The following NHSL2 variants were observed in gnomAD, a reference collection of about 807,000 sequenced individuals.
The protein encoded by NHSL2 is NHS like 2.
A neutral mutation model predicts 53.4 loss-of-function variants in NHSL2; 27 were observed. The observed-to-expected ratio is 0.51, with a 90% CI of 0.37 to 0.70. NHSL2 has a LOEUF of 0.70. Among genes scored for constraint, NHSL2 ranks in the 30% least tolerant of loss-of-function variants. The pLI, the probability that NHSL2 is intolerant of heterozygous loss-of-function variation, is 0.00. For synonymous variants in NHSL2, 408 were observed against 404.1 expected, an observed-to-expected ratio of 1.01 and a Z score of -0.12; for missense variants, 892 against 980.1, an observed-to-expected ratio of 0.91 and a Z score of 1.20.
chrX:71,937,369 G>A (rs774431641), intron 1 of NHSL2, among the ~76,000 whole-genome samples: 1 of 111,663 alleles, frequency 9.0e-6, no homozygotes, highest in South Asian at 3.8e-4. Flanking sequence ...AAGGGCCTAG[G>A]TTTGGACCTG....
chrX:72,040,520 C>T (rs1222352506), intron 1 of NHSL2, among the ~76,000 whole-genome samples: 4 of 112,044 alleles, frequency 3.6e-5, no homozygotes, highest in African/African-American at 1.3e-4. Flanking sequence ...CTAGGATGTG[C>T]TGGAGGCCAC....
At chrX:71,937,771 C>T (rs1035320751) in intron 1 of NHSL2, among the ~76,000 whole-genome samples, 3 of 111,853 alleles carry the variant, frequency 2.7e-5, no homozygotes, top group African/African-American at 9.8e-5. Flanking sequence ...TAAAAGACAT[C>T]CCCAGAATCC....
intron 1 of NHSL2, among the ~76,000 whole-genome samples, chrX:72,010,032 C>T (rs1032008306): frequency 1.1e-4 from 12 of 112,727 alleles, no homozygotes; most frequent in South Asian, 3.6e-4. Flanking sequence ...TTGCTGCCTC[C>T]GGTATTGAAA....
intron 1 of NHSL2, among the ~76,000 whole-genome samples, chrX:72,107,831 G>A (rs1055918582): frequency 8.9e-6 from 1 of 111,914 alleles, no homozygotes. Context: ...AGGAAGTGGC[G>A]CATGTGAAGC....
chrX:72,111,263 G>C (rs1369841731), intron 1 of NHSL2, among the ~76,000 whole-genome samples: 1 of 112,514 alleles, frequency 8.9e-6, no homozygotes, highest in African/African-American at 3.2e-5. Context: ...TGCAGGCTGA[G>C]GCCATAAAGG....
At chrX:72,058,164 C>A (rs2042379816) in intron 1 of NHSL2, among the ~76,000 whole-genome samples, 1 of 112,027 alleles carries the variant, frequency 8.9e-6, no homozygotes, top group Non-Finnish European at 1.9e-5. Context: ...GTTAGTCAGA[C>A]TTGAGTATTT....
At chrX:72,048,038 C>T (rs2042314615) in intron 1 of NHSL2, among the ~76,000 whole-genome samples, 1 of 102,728 alleles carries the variant, frequency 9.7e-6, no homozygotes, top group Non-Finnish European at 2.0e-5. Flanking sequence ...TAAGAGTTCA[C>T]TGCCCTTAAC....
At chrX:71,973,739 G>A (rs184889925) in intron 1 of NHSL2, among the ~76,000 whole-genome samples, 88 of 111,838 alleles carry the variant, frequency 7.9e-4, no homozygotes, top group East Asian at 1.7e-3. Context: ...TTCTTGGCCC[G>A]TTGTGCCTGG....
chrX:71,951,005 T>TACACACACACAC (rs10527333), intron 1 of NHSL2, among the ~76,000 whole-genome samples: 3,355 of 89,689 alleles, frequency 0.037, 156 homozygotes, highest in African/African-American at 0.097. Flanking sequence ...AAATACAAAA[T>TACACACACACAC]ACACACACAC....
At chrX:71,941,529 C>A (rs746564383) in intron 1 of NHSL2, among the ~76,000 whole-genome samples, 1 of 111,938 alleles carries the variant, frequency 8.9e-6, no homozygotes, top group East Asian at 2.8e-4. Flanking sequence ...CCTCTCTGAT[C>A]CCCAGTTTCC....
intron 1 of NHSL2, among the ~76,000 whole-genome samples, chrX:72,051,993 CTATTA>C (rs1309293400): frequency 2.7e-5 from 3 of 112,463 alleles, no homozygotes; most frequent in Non-Finnish European, 1.9e-5. Context: ...ATTTATTTCT[CTATTA>C]TAGTATTTAT....
chrX:72,134,411 A>G, intron 3 of NHSL2, 98 bp from the exon 4 acceptor site: 2 of 865,084 alleles, frequency 2.3e-6, no homozygotes, highest in Non-Finnish European at 3.3e-6. Context: ...TGCCTCCCAG[A>G]CGAAGCCTCC....
At chrX:72,047,531 T>C (rs2042311900) in intron 1 of NHSL2, among the ~76,000 whole-genome samples, 1 of 112,199 alleles carries the variant, frequency 8.9e-6, no homozygotes, top group South Asian at 3.7e-4. Context: ...GGAATCTTTC[T>C]CTTGCTCCCC....
intron 1 of NHSL2, among the ~76,000 whole-genome samples, chrX:72,086,124 G>A (rs974086143): frequency 8.9e-6 from 1 of 111,838 alleles, no homozygotes; most frequent in Non-Finnish European, 1.9e-5. Flanking sequence ...GTTGTTTTGT[G>A]TTCCAGAGGA....
intron 1 of NHSL2, among the ~76,000 whole-genome samples, chrX:72,038,022 C>T (rs1283267090): frequency 8.9e-6 from 1 of 112,069 alleles, no homozygotes; most frequent in African/African-American, 3.2e-5. Flanking sequence ...TCAAAGAATC[C>T]CTATTTGTTT....
chrX:71,993,985 C>A (rs1316673118), intron 1 of NHSL2, among the ~76,000 whole-genome samples: 2 of 111,781 alleles, frequency 1.8e-5, no homozygotes, highest in Non-Finnish European at 3.8e-5. Context: ...ACTGAGAATT[C>A]TTTTGGCCTG....
chrX:72,139,724 G>A lies in NHSL2; in HGVS notation c.2176G>A (p.Val726Ile), dbSNP rs1173110006. The A allele has an allele frequency of 8.3e-7, 1 of 1,210,626 alleles. No homozygotes were observed. The highest frequency in any genetic ancestry group is 1.8e-5 in the South Asian group (1 of 56,884). ...CCAGTCGGAAACACCAACACCCACT[G>A]TTTCCATGTCCCTGACCCTGGGCCA... The part of the protein sequence containing the change: ...SSQSETPTPT[V>I]SMSLTLGHLP... Residue 726 changes from valine (V) to isoleucine (I), a missense_variant, in exon 6 of 8, where the codon GTT (valine) becomes ATT (isoleucine). Coordinates refer to ENST00000633930, the MANE Select transcript of NHSL2 (RefSeq NM_001013627.3).
intron 1 of NHSL2, among the ~76,000 whole-genome samples, chrX:72,038,910 G>GA (rs1322592531): frequency 9.0e-6 from 1 of 111,694 alleles, no homozygotes; most frequent in Non-Finnish European, 1.9e-5. Context: ...AGAAAGCAGA[G>GA]AGGGTGATTA....
Position 72,143,685 on chromosome X carries a change from A to T in NHSL2, c.*111A>T. On this transcript the variant is annotated 3_prime_UTR_variant, in exon 8 of 8. Coordinates refer to ENST00000633930, the MANE Select transcript of NHSL2 (RefSeq NM_001013627.3). The stretch of plus-strand genomic sequence containing the variant: ...ACAACAGAGCCTACATTTCTTTTAT[A>T]TTAACTCACACTCTGGACAGCAGGA... 1 of 495,470 alleles carries T rather than the reference A, an allele frequency of 2.0e-6. No individual in the cohort carries two copies. The highest frequency in any genetic ancestry group is 3.6e-5 in the South Asian group (1 of 27,595). The allele number at this position is 495,470 out of a possible 1,213,427, so 40.8% of individuals were successfully genotyped here.
Sources: gnomAD v4.1 joint callset for allele counts (sites outside exome capture counted in the v4.1 genomes callset) on GRCh38, gnomAD v4.1.1 for gene constraint, MANE v1.5 for transcripts, NCBI Gene and HGNC (gene_info 2026-07-23, HGNC 2026-07-21) for gene names.